SGCZ: variants seen among roughly 807,000 people sequenced by gnomAD.
SGCZ encodes the protein sarcoglycan zeta.
In SGCZ, 40 loss-of-function variants were observed where a neutral mutation model predicts 41.3. The observed-to-expected ratio is 0.97, with a 90% CI of 0.75 to 1.26. The LOEUF (loss-of-function observed/expected upper bound fraction) is 1.26. Among genes scored for constraint, SGCZ ranks in the 50% most tolerant of loss-of-function variants. The probability of loss-of-function intolerance (pLI) is 0.00; values close to 1 mark genes in which losing one functional copy is unlikely to be tolerated. For synonymous variants in SGCZ, 206 were observed against 137.5 expected, an observed-to-expected ratio of 1.50 and a Z score of -3.49; for missense variants, 552 against 369.8, an observed-to-expected ratio of 1.49 and a Z score of -4.04.
chr8:15,088,066 T>A (rs900857722), intron 1 of SGCZ, among the ~76,000 whole-genome samples: 1 of 152,112 alleles, frequency 6.6e-6, no homozygotes, highest in Non-Finnish European at 1.5e-5. Context: ...AAATCACCAA[T>A]CATACTGAAT....
At chr8:14,581,038 T>G (rs1804871436) in intron 1 of SGCZ, among the ~76,000 whole-genome samples, 3 of 152,204 alleles carry the variant, frequency 2.0e-5, no homozygotes, top group Admixed American at 2.0e-4. Flanking sequence ...GTGAGATACT[T>G]TCCTCTAAAA....
In SGCZ at chr8:15,110,704, C is replaced by T. The variant is rs56795275; in HGVS notation, c.39+126881G>A. Among the ~76,000 whole-genome samples the T allele has an allele frequency of 0.01, 1,561 of 152,306 alleles. 73 individuals are homozygous for T. In the East Asian group the frequency reaches 0.14, roughly 14 times the overall value. On this transcript the variant is annotated intron_variant, in intron 1 of 7. Transcript: ENST00000382080. The stretch of plus-strand genomic sequence containing the variant: ...TTTAAAGAGGCCAGGCGTGGTGGCT[C>T]ACTCCTGTAATCCCAGCACTTTGGG...
chr8:14,247,877 T>G (rs994784933), intron 3 of SGCZ, among the ~76,000 whole-genome samples: 1 of 152,194 alleles, frequency 6.6e-6, no homozygotes, highest in Non-Finnish European at 1.5e-5. Context: ...GTTGACTAAG[T>G]AGAATTTAGA....
chr8:15,221,927 G>A (rs117107884), intron 1 of SGCZ, among the ~76,000 whole-genome samples: 3 of 152,264 alleles, frequency 2.0e-5, no homozygotes, highest in Admixed American at 6.5e-5. Context: ...CCCACACAAC[G>A]TTATCTCTGT....
intron 2 of SGCZ, among the ~76,000 whole-genome samples, chr8:14,339,383 T>C (rs1802620230): frequency 6.6e-6 from 1 of 152,190 alleles, no homozygotes; most frequent in Non-Finnish European, 1.5e-5. Context: ...AATGTTTAAA[T>C]ACAGAAACAT....
intron 1 of SGCZ, among the ~76,000 whole-genome samples, chr8:14,886,028 T>C (rs1470241751): frequency 1.3e-4 from 14 of 110,078 alleles, no homozygotes; most frequent in African/African-American, 1.7e-4. Context: ...TATATATATA[T>C]ATATATAAAA....
At chr8:14,575,226 T>A (rs956238126) in intron 1 of SGCZ, among the ~76,000 whole-genome samples, 3 of 152,178 alleles carry the variant, frequency 2.0e-5, no homozygotes, top group African/African-American at 7.2e-5. Flanking sequence ...TTATTCCAGA[T>A]GCTTATATAG....
intron 1 of SGCZ, among the ~76,000 whole-genome samples, chr8:14,804,037 A>G (rs1467096715): frequency 1.9e-4 from 24 of 123,404 alleles, no homozygotes; most frequent in Middle Eastern, 3.4e-3. Context: ...TAGAAGGAAA[A>G]CTAACAAACA....
chr8:14,603,283 C>G (rs1449795949), intron 1 of SGCZ, among the ~76,000 whole-genome samples: 2 of 152,018 alleles, frequency 1.3e-5, no homozygotes, highest in Non-Finnish European at 2.9e-5. Flanking sequence ...TAACTCAATT[C>G]AAACTTTTCA....
At chr8:14,865,671 C>T (rs1178580516) in intron 1 of SGCZ, among the ~76,000 whole-genome samples, 1 of 152,126 alleles carries the variant, frequency 6.6e-6, no homozygotes, top group East Asian at 1.9e-4. Context: ...GCCAACACAT[C>T]TGCATAAAGA....
At position 14,356,446 on chromosome 8, in the gene SGCZ, C is replaced by T. The variant is rs145462692; in HGVS notation, c.235-32242G>A. ...AAATCATGATGAACAAATGGAAATA[C>T]TGTATATTAATGAAAGAGAAATAAC... On this transcript the variant is annotated intron_variant, in intron 2 of 7. Transcript: ENST00000382080. Among the ~76,000 whole-genome samples, 1,333 of 152,018 alleles carry T rather than the reference C, an allele frequency of 8.8e-3. 12 individuals carry two copies. The highest frequency in any genetic ancestry group is 0.02 in the South Asian group (98 of 4,826).
At chr8:14,537,079 C>G (rs1288363760) in intron 2 of SGCZ, among the ~76,000 whole-genome samples, 3 of 151,922 alleles carry the variant, frequency 2.0e-5, no homozygotes. Context: ...CCCATCATGA[C>G]TCTAACAGCT....
At chr8:15,027,198 A>G (rs1176234972) in intron 1 of SGCZ, among the ~76,000 whole-genome samples, 1 of 152,142 alleles carries the variant, frequency 6.6e-6, no homozygotes, top group African/African-American at 2.4e-5. Context: ...CACCTCTTAC[A>G]GACTCACAAT....
chr8:14,646,528 C>G (rs1275988257), intron 1 of SGCZ, among the ~76,000 whole-genome samples: 2 of 151,884 alleles, frequency 1.3e-5, no homozygotes, highest in Middle Eastern at 3.2e-3. Flanking sequence ...CATACAAGAA[C>G]ATGTCTCCTT....
intron 1 of SGCZ, among the ~76,000 whole-genome samples, chr8:14,601,992 C>T (rs1009271384): frequency 1.3e-4 from 19 of 151,958 alleles, no homozygotes; most frequent in Admixed American, 8.5e-4. Context: ...TGGTGGCGGG[C>T]GCCTGTAGTC....
intron 2 of SGCZ, among the ~76,000 whole-genome samples, chr8:14,520,548 T>C (rs1267655073): frequency 6.6e-6 from 1 of 152,068 alleles, no homozygotes; most frequent in Admixed American, 6.6e-5. Flanking sequence ...ATAAAACACA[T>C]CAATTTCCTC....
At chr8:14,671,008 T>G (rs1419895809) in intron 1 of SGCZ, among the ~76,000 whole-genome samples, 1 of 152,188 alleles carries the variant, frequency 6.6e-6, no homozygotes, top group Non-Finnish European at 1.5e-5. Flanking sequence ...TGTTTCTAGC[T>G]CTCAAGCTTC....
At chr8:14,636,241 G>A (rs867367005) in intron 1 of SGCZ, among the ~76,000 whole-genome samples, 1 of 151,790 alleles carries the variant, frequency 6.6e-6, no homozygotes, top group African/African-American at 2.4e-5. Flanking sequence ...GTGATCTTAA[G>A]AATTAATTAT....
chr8:14,185,762 A>G (rs191947462), intron 4 of SGCZ, among the ~76,000 whole-genome samples: 1 of 152,310 alleles, frequency 6.6e-6, no homozygotes, highest in Non-Finnish European at 1.5e-5. Flanking sequence ...AGCTCACAGT[A>G]AAGACTCTTA....
Sources: gnomAD v4.1 joint callset for allele counts (sites outside exome capture counted in the v4.1 genomes callset) on GRCh38, gnomAD v4.1.1 for gene constraint, MANE v1.5 for transcripts, NCBI Gene and HGNC (gene_info 2026-07-23, HGNC 2026-07-21) for gene names.